OTOF: variants seen among roughly 807,000 people sequenced by gnomAD.
The protein encoded by OTOF is otoferlin.
Under a neutral mutation model 236.8 loss-of-function variants are expected in OTOF, and 218 were observed. The observed-to-expected ratio is 0.92, with a 90% CI of 0.82 to 1.03. OTOF has a LOEUF of 1.03. OTOF is among the 50% of genes least tolerant of loss of function. The pLI is 0.00. For synonymous variants in OTOF, 1,041 were observed against 1,072.5 expected, an observed-to-expected ratio of 0.97 and a Z score of 0.57; for missense variants, 2,590 against 2,694.4, an observed-to-expected ratio of 0.96 and a Z score of 0.86.
In OTOF at chr2:26,484,515, C is replaced by T. The variant is rs1261962398; in HGVS notation, c.1164G>A (p.Thr388=). 6.2e-6 allele frequency: 10 copies of T among 1,613,888 alleles called. No individual in the cohort carries two copies. Among genetic ancestry groups the T allele is most frequent in the Admixed American group, 1.7e-5 (1 of 59,988 alleles). ...AVVGKGDNIK[T]PHKANETDED... ...CGTCGGTCTCATTGGCCTTGTGGGG[C>T]GTCTTGATGTTGTCCCCTTTGCCCA... Residue 388 remains threonine (T), a synonymous_variant, in exon 12 of 47, where the codon ACG becomes ACA. Transcript: ENST00000272371.
In OTOF at chr2:26,464,132, A is replaced by C. The variant is rs767054490; in HGVS notation, c.4961-26T>G. The C allele has an allele frequency of 9.9e-6, 16 of 1,612,416 alleles. No individual in the cohort carries two copies. In the South Asian group the frequency reaches 1.5e-4, roughly 15 times the overall value. On this transcript the variant is annotated intron_variant, in intron 39 of 46. Coordinates refer to ENST00000272371, the MANE Select transcript of OTOF (RefSeq NM_194248.3). Reference sequence around the variant, plus strand: ...CTGTGGGTGCCGGCGGCTCAGCTGCACACATGGCTCAGCAGAACCAGAAGA... The same window carrying C: ...CTGTGGGTGCCGGCGGCTCAGCTGCCCACATGGCTCAGCAGAACCAGAAGA...
intron 2 of OTOF, among the ~76,000 whole-genome samples, chr2:26,531,664 C>T (rs1233057268): frequency 6.6e-6 from 1 of 152,064 alleles, no homozygotes; most frequent in Non-Finnish European, 1.5e-5. Flanking sequence ...TCATTGTCTC[C>T]TCATTTTTGT....
At chr2:26,472,063 T>G (rs111206613) in intron 30 of OTOF, among the ~76,000 whole-genome samples, 1 of 148,800 alleles carries the variant, frequency 6.7e-6, no homozygotes, top group Non-Finnish European at 1.5e-5. Context: ...TCATACCACA[T>G]GCATGCATGC....
intron 2 of OTOF, among the ~76,000 whole-genome samples, chr2:26,532,860 G>C (rs1331630103): frequency 6.6e-6 from 1 of 152,196 alleles, no homozygotes; most frequent in Non-Finnish European, 1.5e-5. Flanking sequence ...ATTATGTCCA[G>C]CTTGGCCGCT....
chr2:26,510,901 G>A (rs1431450412), intron 5 of OTOF, among the ~76,000 whole-genome samples: 1 of 152,234 alleles, frequency 6.6e-6, no homozygotes, highest in Non-Finnish European at 1.5e-5. Context: ...TCGCACGGTA[G>A]CAAGCCTAGG....
chr2:26,489,845 T>A (rs1665797646), intron 9 of OTOF, 105 bp from the exon 10 acceptor site: 1 of 858,696 alleles, frequency 1.2e-6, no homozygotes, highest in Non-Finnish European at 2.0e-6. Flanking sequence ...ACCCCAGACA[T>A]TTGCCCTGAG....
Position 26,558,476 on chromosome 2 carries a change from G to C in OTOF, c.79+17C>G. ...GCTCTCAGAGCTGGCGTCCCTCTGA[G>C]ACAGCGGCTTCCCTACCTCGGAAAG... On this transcript the variant is annotated intron_variant, in intron 1 of 46. Coordinates refer to ENST00000272371, the MANE Select transcript of OTOF (RefSeq NM_194248.3). The C allele has an allele frequency of 6.2e-7, 1 of 1,611,518 alleles. No individual in the cohort carries two copies. Among genetic ancestry groups the C allele is most frequent in the Non-Finnish European group, 8.5e-7 (1 of 1,177,724 alleles).
At chr2:26,459,146 C>T (rs548673709) in intron 46 of OTOF, among the ~76,000 whole-genome samples, 2 of 152,342 alleles carry the variant, frequency 1.3e-5, no homozygotes, top group South Asian at 4.1e-4. Context: ...AACAACAGCC[C>T]TGGACTGGGA....
In OTOF at chr2:26,466,120, G is replaced by A. The variant is rs1475954072; in HGVS notation, c.4501-44C>T. 3 of 1,612,998 alleles carry A rather than the reference G, an allele frequency of 1.9e-6. No homozygotes were observed. In the East Asian group the frequency reaches 6.7e-5, roughly 36 times the overall value. ...CTGCCTGAGCAGGCTCCCATGCCCT[G>A]CTCATCTTCAGTGCCCCTGCCAGGC... is the stretch of plus-strand genomic sequence containing the variant. On this transcript the variant is annotated intron_variant, in intron 36 of 46. Transcript: ENST00000272371.
Position 26,483,322 on chromosome 2 carries a change from G to T in OTOF, c.1392+140C>A. 3 of 787,726 alleles carry T rather than the reference G, an allele frequency of 3.8e-6. No individual in the cohort carries two copies. In the South Asian group the frequency reaches 4.4e-5, roughly 11 times the overall value. The allele number at this position is 787,726 out of a possible 1,614,324, so 48.8% of individuals were successfully genotyped here. A position where few individuals can be genotyped will look rare whatever the true frequency, so the allele number is the denominator to read the frequency against. ...TCTAAGGACTCCAGGAGGCAGTGAGGATCCTCTAAGTCCGTCCCTGGCCAA... is the reference window on the plus strand; with the variant it reads ...TCTAAGGACTCCAGGAGGCAGTGAGTATCCTCTAAGTCCGTCCCTGGCCAA... On this transcript the variant is annotated intron_variant, in intron 13 of 46. Coordinates refer to ENST00000272371, the MANE Select transcript of OTOF (RefSeq NM_194248.3).
intron 33 of OTOF, 124 bp from the exon 34 acceptor site, chr2:26,467,625 A>G (rs2148031506): frequency 8.3e-7 from 1 of 1,205,672 alleles, no homozygotes; most frequent in South Asian, 1.3e-5. Flanking sequence ...TGTGCTGTCA[A>G]ATGCAGATAA....
At chr2:26,498,534 T>C (rs1379589407) in intron 8 of OTOF, among the ~76,000 whole-genome samples, 1 of 152,150 alleles carries the variant, frequency 6.6e-6, no homozygotes, top group Admixed American at 6.5e-5. Context: ...TCTCCAATCA[T>C]CAGCAGAGGA....
intron 13 of OTOF, 28 bp downstream of exon 13, chr2:26,483,434 C>T (rs1665617563): frequency 6.2e-7 from 1 of 1,609,416 alleles, no homozygotes; most frequent in Non-Finnish European, 8.5e-7. Flanking sequence ...CACCCAGCCC[C>T]AGCCTCCTGT....
intron 4 of OTOF, among the ~76,000 whole-genome samples, chr2:26,517,925 G>A (rs1282375371): frequency 6.6e-6 from 1 of 152,110 alleles, no homozygotes; most frequent in East Asian, 1.9e-4. Flanking sequence ...CTTCATCCAG[G>A]TTTCTGTGTT....
At chr2:26,497,432 C>T (rs1328888980) in intron 8 of OTOF, among the ~76,000 whole-genome samples, 1 of 152,176 alleles carries the variant, frequency 6.6e-6, no homozygotes, top group Non-Finnish European at 1.5e-5. Context: ...GCTTTTCATG[C>T]CTGTCATCTT....
intron 8 of OTOF, among the ~76,000 whole-genome samples, chr2:26,499,867 A>G (rs1391219139): frequency 6.6e-6 from 1 of 152,156 alleles, no homozygotes; most frequent in Non-Finnish European, 1.5e-5. Flanking sequence ...CATAGCTCTC[A>G]CTCAAATGTT....
intron 30 of OTOF, 94 bp downstream of exon 30, chr2:26,472,425 C>T: frequency 6.6e-7 from 1 of 1,515,724 alleles, no homozygotes; most frequent in Non-Finnish European, 9.2e-7. Context: ...CTCTTAGTGT[C>T]CTTTTCTCTC....
chr2:26,548,308 T>C (rs1189913366), intron 1 of OTOF, among the ~76,000 whole-genome samples: 6 of 152,224 alleles, frequency 3.9e-5, no homozygotes, highest in Admixed American at 2.6e-4. Flanking sequence ...GTGGGGGGTG[T>C]TTGATTTTTA....
At chr2:26,499,494 A>G (rs1362743761) in intron 8 of OTOF, among the ~76,000 whole-genome samples, 1 of 151,818 alleles carries the variant, frequency 6.6e-6, no homozygotes, top group East Asian at 1.9e-4. Context: ...ATTGCTTTTT[A>G]TTATTTATTT....
Sources: allele counts gnomAD v4.1 joint callset (sites outside exome capture counted in the v4.1 genomes callset), GRCh38; gene constraint gnomAD v4.1.1; transcripts MANE v1.5; gene names NCBI Gene and HGNC (gene_info 2026-07-23, HGNC 2026-07-21).